DSE: variants seen among roughly 807,000 people sequenced by gnomAD.
DSE encodes the protein dermatan sulfate epimerase.
DSE carries 36 observed loss-of-function variants against 84.4 expected under a neutral mutation model. The ratio of observed to expected loss-of-function variants is 0.43; its 90% CI spans 0.33 to 0.56. The LOEUF (loss-of-function observed/expected upper bound fraction) is 0.56. DSE is among the 20% of genes least tolerant of loss of function. The pLI, the probability that DSE is intolerant of heterozygous loss-of-function variation, is 0.06. For synonymous variants in DSE, 410 were observed against 430.1 expected (o/e 0.95, Z 0.58); for missense variants, 862 against 1,169.6 (o/e 0.74, Z 3.84).
chr6:116,399,866 G>A, intron 2 of DSE, 200 bp downstream of exon 2: 1 of 564,966 alleles, frequency 1.8e-6, no homozygotes, highest in Non-Finnish European at 3.1e-6. Context: ...TTTAAAGTTA[G>A]AAGGAAAATA....
At chr6:116,391,562 C>A (rs1001637322) in intron 1 of DSE, among the ~76,000 whole-genome samples, 15 of 151,776 alleles carry the variant, frequency 9.9e-5, no homozygotes, top group African/African-American at 3.6e-4. Flanking sequence ...GTCAGGAGAT[C>A]GAGACCATCC....
chr6:116,397,452 C>G (rs1781329097), intron 1 of DSE, among the ~76,000 whole-genome samples: 1 of 152,108 alleles, frequency 6.6e-6, no homozygotes, highest in Admixed American at 6.6e-5. Context: ...AGGGGCCCGC[C>G]CGCCTCCGCC....
At chr6:116,396,678 G>A (rs1781268825) in intron 1 of DSE, among the ~76,000 whole-genome samples, 1 of 152,120 alleles carries the variant, frequency 6.6e-6, no homozygotes, top group Admixed American at 6.6e-5. Flanking sequence ...CAGCTTTTCT[G>A]GTTTAAATAT....
chr6:116,369,639 G>C (rs114280841), upstream of DSE, among the ~76,000 whole-genome samples: 1 of 152,218 alleles, frequency 6.6e-6, no homozygotes, highest in East Asian at 1.9e-4. Flanking sequence ...TTCTCTCCTC[G>C]ACAGGCCTTC....
intron 2 of DSE, among the ~76,000 whole-genome samples, chr6:116,337,915 C>T (rs1340948208): frequency 6.6e-6 from 1 of 151,874 alleles, no homozygotes; most frequent in East Asian, 1.9e-4. Context: ...CTTTTTATTC[C>T]TGCATTCAGT....
intron 2 of DSE, among the ~76,000 whole-genome samples, chr6:116,291,580 TTAAATA>T (rs1329031091): frequency 6.6e-6 from 1 of 150,718 alleles, no homozygotes; most frequent in Non-Finnish European, 1.5e-5. Context: ...TTATGATATA[TTAAATA>T]TAATTATATA....
rs564961625 is a variant in DSE, at chr6:116,393,772, T to A, written c.-53-5426T>A. Among the ~76,000 whole-genome samples the A allele has an allele frequency of 5.3e-5, 8 of 152,334 alleles. No homozygotes were observed. In the South Asian group the frequency reaches 1.7e-3, roughly 32 times the overall value. ...AGAGGGTTTTTTAATCCATCTTAGT[T>A]TGGGGCATGTTTTACTCTCTACAGG... is the stretch of plus-strand genomic sequence containing the variant. On this transcript the variant is annotated intron_variant, in intron 1 of 5. Coordinates refer to ENST00000644252, the MANE Select transcript of DSE (RefSeq NM_013352.4).
At chr6:116,388,817 T>C (rs1780719881) in intron 1 of DSE, among the ~76,000 whole-genome samples, 1 of 152,236 alleles carries the variant, frequency 6.6e-6, no homozygotes, top group Admixed American at 6.5e-5. Flanking sequence ...CTTTGGTTGA[T>C]GAAGAAGTAG....
At chr6:116,262,487 G>A (rs745413917) in intron 2 of DSE, among the ~76,000 whole-genome samples, 1 of 152,084 alleles carries the variant, frequency 6.6e-6, no homozygotes, top group Non-Finnish European at 1.5e-5. Flanking sequence ...TTCTGATTGT[G>A]TTTATTTGAA....
intron 2 of DSE, among the ~76,000 whole-genome samples, chr6:116,289,628 T>TA (rs745710154): frequency 1.1e-4 from 16 of 151,806 alleles, no homozygotes; most frequent in Admixed American, 6.6e-5. Context: ...ACCTTCATGA[T>TA]AAAAAAAATA....
intron 2 of DSE, among the ~76,000 whole-genome samples, chr6:116,344,860 G>A (rs1209564391): frequency 1.3e-5 from 2 of 152,176 alleles, no homozygotes; most frequent in Non-Finnish European, 2.9e-5. Flanking sequence ...ACCCATCAGT[G>A]TGCTGTATTC....
intron 2 of DSE, among the ~76,000 whole-genome samples, chr6:116,280,766 C>G (rs1773477467): frequency 6.6e-6 from 1 of 152,146 alleles, no homozygotes; most frequent in Non-Finnish European, 1.5e-5. Context: ...GCTACAAGGC[C>G]TCAGAGAAAT....
intron 1 of DSE, among the ~76,000 whole-genome samples, chr6:116,398,521 G>A (rs1781391562): frequency 6.6e-6 from 1 of 152,178 alleles, no homozygotes; most frequent in Non-Finnish European, 1.5e-5. Flanking sequence ...AGGCATGTCA[G>A]TTTCTGGTCC....
intron 2 of DSE, among the ~76,000 whole-genome samples, chr6:116,270,498 T>G (rs1582915091): frequency 6.6e-6 from 1 of 152,194 alleles, no homozygotes; most frequent in South Asian, 2.1e-4. Context: ...TATCAATAGT[T>G]CTTTACATCT....
chr6:116,293,219 T>C (rs1211431262), intron 2 of DSE, among the ~76,000 whole-genome samples: 2 of 152,094 alleles, frequency 1.3e-5, no homozygotes, highest in African/African-American at 4.8e-5. Context: ...AGCAAAAACA[T>C]TTGCTCAGAT....
intron 2 of DSE, among the ~76,000 whole-genome samples, chr6:116,305,200 C>T (rs1481586213): frequency 1.3e-5 from 2 of 151,726 alleles, no homozygotes; most frequent in Non-Finnish European, 2.9e-5. Context: ...ACATAAGTGT[C>T]CTCCCTTCTC....
intron 2 of DSE, among the ~76,000 whole-genome samples, chr6:116,296,891 C>T (rs902012118): frequency 3.3e-5 from 5 of 152,058 alleles, no homozygotes; most frequent in Non-Finnish European, 7.4e-5. Flanking sequence ...AGGGTGGATT[C>T]GACATAATTG....
At chr6:116,326,704 G>T (rs1470800011) in intron 2 of DSE, among the ~76,000 whole-genome samples, 1 of 152,156 alleles carries the variant, frequency 6.6e-6, no homozygotes, top group Non-Finnish European at 1.5e-5. Context: ...AAACTTAACT[G>T]CTGAGGTACA....
Position 116,436,023 on chromosome 6 carries a change from G to A in DSE, c.1555G>A (p.Ala519Thr). 1 of 1,614,192 alleles carries A rather than the reference G, an allele frequency of 6.2e-7. No homozygotes were observed. The highest frequency in any genetic ancestry group is 8.5e-7 in the Non-Finnish European group (1 of 1,180,024). Residue 519 changes from alanine to threonine, a missense_variant, in exon 6 of 6, where the codon GCT becomes ACT. Transcript: ENST00000644252. ...KWSKYKHDLAASCQGRVVAAE... is the reference protein window; with the variant it reads ...KWSKYKHDLATSCQGRVVAAE... Reference sequence around the variant, plus strand: ...GTCTAAATACAAGCATGACCTGGCAGCTAGTTGTCAGGGGAGGGTGGTTGC... The same window carrying A: ...GTCTAAATACAAGCATGACCTGGCAACTAGTTGTCAGGGGAGGGTGGTTGC...
Sources: allele counts gnomAD v4.1 joint callset (sites outside exome capture counted in the v4.1 genomes callset), GRCh38; gene constraint gnomAD v4.1.1; transcripts MANE v1.5; gene names NCBI Gene and HGNC (gene_info 2026-07-23, HGNC 2026-07-21).